The following UNC45A variants were observed in gnomAD, a reference collection of about 807,000 sequenced individuals.
UNC45A encodes unc-45 myosin chaperone A.
UNC45A carries 78 observed loss-of-function variants against 103.2 expected under a neutral mutation model. The observed-to-expected ratio is 0.76, with a 90% CI of 0.63 to 0.91. UNC45A has a LOEUF of 0.91. Ranked by LOEUF, UNC45A falls within the 40% of genes least tolerant of loss-of-function variation. The pLI is 0.00. For synonymous variants in UNC45A, 495 were observed against 504.6 expected (o/e 0.98, Z 0.25); for missense variants, 1,193 against 1,224.8 (o/e 0.97, Z 0.39).
chr15:90,948,469 C>G (rs1596236026), intron 12 of UNC45A, 185 bp from the exon 13 acceptor site: 1 of 1,267,970 alleles, frequency 7.9e-7, no homozygotes, highest in East Asian at 2.5e-5. Flanking sequence ...GGACGTTCTT[C>G]TTGGAGGAGC....
chr15:90,950,243 G>A lies in UNC45A; in HGVS notation c.2163G>A (p.Pro721=), dbSNP rs16945050. Residue 721 remains proline, a synonymous_variant, in exon 16 of 20, where the codon CCG becomes CCA. Coordinates refer to ENST00000418476, the MANE Select transcript of UNC45A (RefSeq NM_018671.5). The part of the protein sequence containing the change: ...ALAKLTITSN[P]EMTFPGERIY... Reference sequence around the variant, plus strand: ...CCAAGCTCACCATCACCTCCAACCCGGAGATGACCTTCCCTGGCGAGCGGG... The same window carrying A: ...CCAAGCTCACCATCACCTCCAACCCAGAGATGACCTTCCCTGGCGAGCGGG... 0.011 allele frequency: 17,745 copies of A among 1,551,670 alleles called. 1,689 individuals carry two copies. In the African/African-American group the frequency reaches 0.21, roughly 18 times the overall value.
intron 6 of UNC45A, among the ~76,000 whole-genome samples, chr15:90,941,319 G>A (rs1226186888): frequency 2.6e-5 from 4 of 152,122 alleles, no homozygotes; most frequent in Admixed American, 2.6e-4. Flanking sequence ...TCCTGCTCCT[G>A]GGCCAGTGTG....
At chr15:90,937,778 AC>A (rs1436882877) in intron 4 of UNC45A, among the ~76,000 whole-genome samples, 1 of 151,660 alleles carries the variant, frequency 6.6e-6, no homozygotes, top group Non-Finnish European at 1.5e-5. Context: ...GAGCCACTGC[AC>A]CCAGCCGAAA....
upstream of UNC45A, chr15:90,935,023 T>C: frequency 1.8e-6 from 1 of 560,802 alleles, no homozygotes; most frequent in Non-Finnish European, 3.1e-6. Context: ...CGTGCACTTC[T>C]GCTGCGGTCG....
At chr15:90,931,244 A>T, upstream of UNC45A, 1 of 1,550,288 alleles carries the variant, frequency 6.5e-7, no homozygotes, top group Non-Finnish European at 8.7e-7. Flanking sequence ...ACGAGGCTGG[A>T]GTTGTGCCTC....
At chr15:90,930,238 T>C (rs2035744013) in exon 1 of UNC45A, 1 of 152,078 alleles carries the variant, frequency 6.6e-6, no homozygotes, top group Non-Finnish European at 1.5e-5. Context: ...AGTCACCGAG[T>C]TTCCCGCGCG....
chr15:90,932,258 G>T, upstream of UNC45A: 1 of 916,710 alleles, frequency 1.1e-6, no homozygotes, highest in South Asian at 1.8e-5. Context: ...GGAGCCAACC[G>T]ACAAAGGGAA....
Position 90,945,098 on chromosome 15 carries a change from A to T in UNC45A, c.1199+35A>T, listed in dbSNP as rs373423809. The T allele has an allele frequency of 3.6e-5, 58 of 1,605,126 alleles. 1 individual carries two copies. The highest frequency in any genetic ancestry group is 2.2e-4 in the Middle Eastern group (1 of 4,512). On this transcript the variant is annotated intron_variant, in intron 9 of 19. Transcript: ENST00000418476. ...TCTGTTTCACCTCCCGTTGCCAGGG[A>T]TTCTAGCGAAAAAGTTCTGACTCCT... is the stretch of plus-strand genomic sequence containing the variant.
rs755883868 is a variant in UNC45A at position 90,949,398 on chromosome 15, C to T, written c.1961C>T (p.Thr654Met). ...TCGGCCATGGTGTGCATGGTGAAGA[C>T]GGAGAGCCCTGTGCTGACCAGTTCC... ...VVSAMVCMVKTESPVLTSSCR... is the reference protein window; with the variant it reads ...VVSAMVCMVKMESPVLTSSCR... Residue 654 changes from threonine to methionine, a missense_variant, in exon 14 of 20, where the codon ACG (threonine) becomes ATG (methionine). Transcript: ENST00000418476. 1.5e-5 allele frequency: 25 copies of T among 1,613,752 alleles called. No homozygotes were observed. The highest frequency in any genetic ancestry group is 1.6e-4 in the Middle Eastern group (1 of 6,062).
At chr15:90,932,464 T>C (rs2151349313), upstream of UNC45A, 2 of 1,327,764 alleles carry the variant, frequency 1.5e-6, no homozygotes, top group Admixed American at 3.6e-5. Flanking sequence ...CCCCTCGGGG[T>C]CCTTCCGCCG....
rs2036648696 is a variant in UNC45A at position 90,947,793 on chromosome 15, C to G, written c.1501-3C>G. On this transcript the variant is annotated splice_polypyrimidine_tract_variant and splice_region_variant and intron_variant, in intron 10 of 19. Coordinates refer to ENST00000418476, the MANE Select transcript of UNC45A (RefSeq NM_018671.5). Reference sequence around the variant, plus strand: ...GCCAACTGGTCTTGCCCTCTTCCTCCAGGGACTCTGTAAGCTCGGTTCGGC... The same window carrying G: ...GCCAACTGGTCTTGCCCTCTTCCTCGAGGGACTCTGTAAGCTCGGTTCGGC... 2 of 1,613,726 alleles carry G rather than the reference C, an allele frequency of 1.2e-6. No homozygotes were observed. Among genetic ancestry groups the G allele is most frequent in the Middle Eastern group, 1.7e-4 (1 of 6,056 alleles).
chr15:90,950,181 A>G lies in UNC45A; in HGVS notation c.2101A>G (p.Thr701Ala). ...GCTGATCCCGCTGGCCCTGGAAGGC[A>G]CGGACGTGGGGCAGACAAAGGCAGC... is the stretch of plus-strand genomic sequence containing the variant. ...RALIPLALEG[T>A]DVGQTKAAQA... Residue 701 changes from threonine (T) to alanine (A), a missense_variant, in exon 16 of 20, where the codon ACG (threonine) becomes GCG (alanine). Physicochemically the swap from Thr to Ala is moderately conservative, Grantham distance 58. Transcript: ENST00000418476. 1 of 1,551,644 alleles carries G rather than the reference A, an allele frequency of 6.4e-7. No homozygotes were observed. Among genetic ancestry groups the G allele is most frequent in the Non-Finnish European group, 8.7e-7 (1 of 1,146,986 alleles).
chr15:90,935,481 C>G, intron 1 of UNC45A, 63 bp from the exon 2 acceptor site: 1 of 1,573,134 alleles, frequency 6.4e-7, no homozygotes, highest in East Asian at 2.2e-5. Flanking sequence ...CTCTCCTCTC[C>G]CCTTAGCTCC....
intron 6 of UNC45A, chr15:90,941,085 G>A (rs1389494665): frequency 6.6e-6 from 1 of 152,140 alleles, no homozygotes; most frequent in Non-Finnish European, 1.5e-5. Flanking sequence ...TTTGTAGGGG[G>A]CTTACAAGTG....
At position 90,935,576 on chromosome 15, in the gene UNC45A, C is replaced by T. The variant is rs1468159951; in HGVS notation, c.84C>T (p.Gly28=). ...ASSVEQLRKE[G]NELFKCGDYG... is the part of the protein sequence containing the mutation. ...CAGTGGAGCAGCTGCGGAAGGAGGG[C>T]AATGAGCTGTTCAAATGTGGAGACT... Residue 28 remains glycine, a synonymous_variant, in exon 2 of 20, where the codon GGC becomes GGT. Transcript: ENST00000418476. 1.2e-6 allele frequency: 2 copies of T among 1,612,168 alleles called. No homozygotes were observed. Among genetic ancestry groups the T allele is most frequent in the South Asian group, 2.2e-5 (2 of 90,774 alleles).
chr15:90,947,626 T>C, intron 10 of UNC45A, 170 bp from the exon 11 acceptor site: 1 of 605,640 alleles, frequency 1.7e-6, no homozygotes, highest in South Asian at 1.9e-5. Context: ...TAGCTGATTT[T>C]CTTGCCACAT....
intron 4 of UNC45A, 26 bp downstream of exon 4, chr15:90,936,486 A>G: frequency 6.2e-7 from 1 of 1,611,086 alleles, no homozygotes; most frequent in Non-Finnish European, 8.5e-7. Flanking sequence ...AGAGAGGTGG[A>G]AGCATTGACT....
intron 9 of UNC45A, among the ~76,000 whole-genome samples, chr15:90,945,445 T>G (rs1567156038): frequency 1.3e-5 from 2 of 151,402 alleles, no homozygotes; most frequent in African/African-American, 4.9e-5. Flanking sequence ...CACCACAACC[T>G]TCGCCTCTAG....
At position 90,946,757 on chromosome 15, in the gene UNC45A, C is replaced by T; in HGVS notation, c.1343C>T (p.Ser448Phe). Residue 448 changes from serine (S) to phenylalanine (F), a missense_variant, in exon 10 of 20, where the codon TCT (serine) becomes TTT (phenylalanine). Coordinates refer to ENST00000418476, the MANE Select transcript of UNC45A (RefSeq NM_018671.5). ...GAGAGTGTGATTGCTCTGTGTGCCT[C>T]TGAGCAGGAGGAGGAGCAGCTGGTG... Reference protein sequence around the residue: ...VMESVIALCASEQEEEQLVAV... With the variant: ...VMESVIALCAFEQEEEQLVAV... 6.2e-7 allele frequency: 1 copy of T among 1,614,144 alleles called. No homozygotes were observed.
Sources: allele counts gnomAD v4.1 joint callset (sites outside exome capture counted in the v4.1 genomes callset), GRCh38; gene constraint gnomAD v4.1.1; transcripts MANE v1.5; gene names NCBI Gene and HGNC (gene_info 2026-07-23, HGNC 2026-07-21).